Variants in DTNA observed in about 807,000 individuals in gnomAD.
DTNA encodes the protein dystrophin-related protein 3.
Under a neutral mutation model 100.7 loss-of-function variants are expected in DTNA, and 43 were observed. That is an observed-to-expected ratio of 0.43 (90% CI 0.33 to 0.55). The LOEUF (loss-of-function observed/expected upper bound fraction) is 0.55. Ranked by LOEUF, DTNA falls within the 20% of genes least tolerant of loss-of-function variation. DTNA has a pLI of 0.04. For missense variants in DTNA, 798 were observed against 953.9 expected, an observed-to-expected ratio of 0.84 and a Z score of 2.15; for synonymous variants, 349 against 347.9, an observed-to-expected ratio of 1.00 and a Z score of -0.04.
chr18:34,710,828 G>C (rs1198924203), intron 1 of DTNA, among the ~76,000 whole-genome samples: 1 of 151,852 alleles, frequency 6.6e-6, no homozygotes, highest in South Asian at 2.1e-4. Flanking sequence ...TTTCTTAGAG[G>C]ACACCTTATT....
intron 2 of DTNA, among the ~76,000 whole-genome samples, chr18:34,756,473 G>C (rs1057069621): frequency 3.3e-5 from 5 of 152,146 alleles, no homozygotes; most frequent in Admixed American, 3.3e-4. Flanking sequence ...CCTGCAAAGT[G>C]ATATCATATG....
Position 34,884,722 on chromosome 18 carries a change from C to A in DTNA, c.2296-6C>A. ...CTTTCTCGTTTGTGTCCTTTGTCAC[C>A]CACAGGTCAGCTTGCAAGGTTGAAT... is the stretch of plus-strand genomic sequence containing the variant. On this transcript the variant is annotated splice_region_variant and splice_polypyrimidine_tract_variant and intron_variant, in intron 21 of 22. Transcript: ENST00000444659. 6.2e-7 allele frequency: 1 copy of A among 1,614,082 alleles called. No individual in the cohort carries two copies.
At chr18:34,764,033 G>A (rs1467262202) in intron 2 of DTNA, among the ~76,000 whole-genome samples, 1 of 152,170 alleles carries the variant, frequency 6.6e-6, no homozygotes, top group Admixed American at 6.5e-5. Flanking sequence ...TTCTCAAATG[G>A]CAGGGGGAAA....
intron 1 of DTNA, among the ~76,000 whole-genome samples, chr18:34,513,205 A>G (rs918141413): frequency 6.6e-6 from 1 of 152,086 alleles, no homozygotes; most frequent in Admixed American, 6.6e-5. Flanking sequence ...GCTAATTTCC[A>G]TGTCCATGAA....
intron 1 of DTNA, among the ~76,000 whole-genome samples, chr18:34,514,895 G>T (rs989526178): frequency 5.9e-5 from 9 of 152,036 alleles, no homozygotes; most frequent in Admixed American, 5.3e-4. Context: ...CCACATGTGA[G>T]TTTCAGGGGG....
chr18:34,564,110 T>A (rs1217326053), intron 1 of DTNA, among the ~76,000 whole-genome samples: 1 of 152,150 alleles, frequency 6.6e-6, no homozygotes, highest in African/African-American at 2.4e-5. Flanking sequence ...TATCGTATAA[T>A]TGCAAGTTTG....
chr18:34,544,528 C>T (rs1034771921), intron 1 of DTNA, among the ~76,000 whole-genome samples: 1 of 152,030 alleles, frequency 6.6e-6, no homozygotes, highest in Non-Finnish European at 1.5e-5. Context: ...TGGAATTTTC[C>T]ATATAATTGT....
intron 1 of DTNA, among the ~76,000 whole-genome samples, chr18:34,658,875 A>G (rs1447932904): frequency 6.6e-6 from 1 of 152,226 alleles, no homozygotes; most frequent in African/African-American, 2.4e-5. Flanking sequence ...TAAAATGGCC[A>G]GAATTAAATA....
At chr18:34,534,540 T>C (rs1022768178) in intron 1 of DTNA, among the ~76,000 whole-genome samples, 1 of 151,998 alleles carries the variant, frequency 6.6e-6, no homozygotes, top group Non-Finnish European at 1.5e-5. Flanking sequence ...GTTTGTTAGA[T>C]AGGTATACGT....
intron 8 of DTNA, among the ~76,000 whole-genome samples, chr18:34,820,356 T>C (rs2095683529): frequency 6.6e-6 from 1 of 152,190 alleles, no homozygotes; most frequent in Admixed American, 6.5e-5. Flanking sequence ...TGATGTAAAC[T>C]CTTCATGGTC....
In DTNA at chr18:34,604,079, A is replaced by G. The variant is rs77442635; in HGVS notation, c.-2+110565A>G. ...TGTTATGACCATTTAAAATGAAGCA[A>G]TTGTTCCGTGAACTGTTATACTACC... On this transcript the variant is annotated intron_variant, in intron 1 of 19. Coordinates refer to the DTNA transcript ENST00000283365. Among the ~76,000 whole-genome samples the G allele has an allele frequency of 5.3e-5, 8 of 152,278 alleles. No individual in the cohort carries two copies. The East Asian group carries it at 1.4e-3, about 26-fold the overall frequency.
At chr18:34,546,568 T>C (rs1218990044) in intron 1 of DTNA, among the ~76,000 whole-genome samples, 1 of 152,020 alleles carries the variant, frequency 6.6e-6, no homozygotes. Context: ...CCAAGGAAAC[T>C]AAAAAATGAA....
chr18:34,553,527 T>G (rs1200725863), intron 1 of DTNA, among the ~76,000 whole-genome samples: 1 of 152,116 alleles, frequency 6.6e-6, no homozygotes, highest in African/African-American at 2.4e-5. Context: ...AACGATTAAG[T>G]CTTTAATCCA....
intron 1 of DTNA, among the ~76,000 whole-genome samples, chr18:34,612,836 G>C (rs2054506105): frequency 6.6e-6 from 1 of 152,160 alleles, no homozygotes; most frequent in Non-Finnish European, 1.5e-5. Flanking sequence ...ATACTCATTA[G>C]AATTAATCAT....
At chr18:34,585,706 T>C (rs2049064311) in intron 1 of DTNA, among the ~76,000 whole-genome samples, 1 of 152,064 alleles carries the variant, frequency 6.6e-6, no homozygotes, top group Non-Finnish European at 1.5e-5. Context: ...GGCCAAAAGG[T>C]AATATCAACA....
chr18:34,627,926 T>G (rs943317075), intron 1 of DTNA, among the ~76,000 whole-genome samples: 2 of 152,190 alleles, frequency 1.3e-5, no homozygotes, highest in African/African-American at 4.8e-5. Flanking sequence ...TCTGTCTGAC[T>G]GTATGCTAAT....
intron 11 of DTNA, among the ~76,000 whole-genome samples, chr18:34,831,131 G>A (rs2095998853): frequency 6.6e-6 from 1 of 152,080 alleles, no homozygotes; most frequent in Non-Finnish European, 1.5e-5. Context: ...TAGTTTACAT[G>A]AGAAAGTTAA....
At chr18:34,650,588 T>G (rs2143841225) in intron 1 of DTNA, among the ~76,000 whole-genome samples, 1 of 152,298 alleles carries the variant, frequency 6.6e-6, no homozygotes, top group South Asian at 2.1e-4. Flanking sequence ...ATTCAGTTTC[T>G]TAGCCTGTGG....
At chr18:34,723,227 T>C (rs1334241960) in intron 1 of DTNA, among the ~76,000 whole-genome samples, 1 of 152,138 alleles carries the variant, frequency 6.6e-6, no homozygotes, top group Non-Finnish European at 1.5e-5. Context: ...GTATAAGTAA[T>C]AGCTAACAAT....
Sources: gnomAD v4.1 joint callset for allele counts (sites outside exome capture counted in the v4.1 genomes callset) on GRCh38, gnomAD v4.1.1 for gene constraint, MANE v1.5 for transcripts, NCBI Gene and HGNC (gene_info 2026-07-23, HGNC 2026-07-21) for gene names.